The following USP16 variants were observed in gnomAD, a reference collection of about 807,000 sequenced individuals.
USP16 encodes ubiquitin specific peptidase 16.
In USP16, 77 loss-of-function variants were observed where a neutral mutation model predicts 95.9. The ratio of observed to expected loss-of-function variants is 0.80; its 90% CI spans 0.67 to 0.97. The LOEUF (loss-of-function observed/expected upper bound fraction) is 0.97. Ranked by LOEUF, USP16 falls within the 50% of genes least tolerant of loss-of-function variation. The pLI is 0.00. For missense variants in USP16, 943 were observed against 959.9 expected (o/e 0.98, Z 0.23); for synonymous variants, 303 against 318.2 (o/e 0.95, Z 0.51).
At chr21:29,037,237 T>C in intron 5 of USP16, 39 bp from the exon 6 acceptor site, 1 of 1,294,834 alleles carries the variant, frequency 7.7e-7, no homozygotes, top group South Asian at 1.6e-5. Flanking sequence ...TCGATATGAC[T>C]GTATTACACA....
chr21:29,047,563 T>A (rs1399587499), intron 14 of USP16, among the ~76,000 whole-genome samples: 1 of 152,136 alleles, frequency 6.6e-6, no homozygotes, highest in Non-Finnish European at 1.5e-5. Context: ...GGGTAAATTA[T>A]CCCCTTGGAA....
chr21:29,048,110 G>C (rs987149537), intron 14 of USP16, among the ~76,000 whole-genome samples: 1 of 146,686 alleles, frequency 6.8e-6, no homozygotes, highest in African/African-American at 2.6e-5. Context: ...TTGAGACAGA[G>C]TCCTGCCCTT....
intron 1 of USP16, chr21:29,025,006 G>C: frequency 2.9e-6 from 1 of 345,940 alleles, no homozygotes; most frequent in African/African-American, 2.2e-5. Flanking sequence ...CGTGGACCCA[G>C]AGGTTCCCCC....
At chr21:29,044,643 C>T (rs900869239) in intron 13 of USP16, among the ~76,000 whole-genome samples, 9 of 151,784 alleles carry the variant, frequency 5.9e-5, no homozygotes, top group African/African-American at 1.5e-4. Flanking sequence ...AGACAGGTTT[C>T]GCCATGTTGG....
At chr21:29,044,037 A>G (rs1452841539) in intron 13 of USP16, among the ~76,000 whole-genome samples, 1 of 151,882 alleles carries the variant, frequency 6.6e-6, no homozygotes, top group Non-Finnish European at 1.5e-5. Flanking sequence ...GGTTCAAGCA[A>G]TTCTCGTGCC....
chr21:29,046,023 C>T (rs2146390946), intron 13 of USP16, among the ~76,000 whole-genome samples: 1 of 152,264 alleles, frequency 6.6e-6, no homozygotes, highest in African/African-American at 2.4e-5. Context: ...GGGTTTTCAC[C>T]ATGTTGGCCA....
In USP16 at chr21:29,037,398, T is replaced by A. The variant is rs1472759809; in HGVS notation, c.571T>A (p.Cys191Ser). 7 of 1,610,002 alleles carry A rather than the reference T, an allele frequency of 4.3e-6. No individual in the cohort carries two copies. The highest frequency in any genetic ancestry group is 8.5e-7 in the Non-Finnish European group (1 of 1,178,512). ...AGAGAATCCTCCCATGAATTCTCCTTGCCAAATAACCGTGAAAGGACTCAG... is the reference window on the plus strand; with the variant it reads ...AGAGAATCCTCCCATGAATTCTCCTAGCCAAATAACCGTGAAAGGACTCAG... ...AKENPPMNSP[C>S]QITVKGLSNL... The change falls in exon 6 of 18, where the codon TGC becomes AGC. Residue 191 changes from cysteine (C) to serine (S), a missense_variant. By Grantham distance (112) the Cys-to-Ser change is moderately radical. Transcript: ENST00000399976.
At chr21:29,045,036 G>A (rs142993613) in intron 13 of USP16, among the ~76,000 whole-genome samples, 1 of 152,154 alleles carries the variant, frequency 6.6e-6, no homozygotes, top group Non-Finnish European at 1.5e-5. Flanking sequence ...TGATTGGTAT[G>A]TTAGATGGAA....
chr21:29,051,943 TTTA>T (rs753745265), intron 16 of USP16, among the ~76,000 whole-genome samples: 69 of 152,114 alleles, frequency 4.5e-4, no homozygotes, highest in Admixed American at 7.9e-4. Context: ...TACATGATCA[TTTA>T]TTATACTTTT....
intron 3 of USP16, 45 bp downstream of exon 3, chr21:29,030,818 T>C (rs756669952): frequency 1.3e-6 from 2 of 1,555,558 alleles, no homozygotes; most frequent in South Asian, 1.2e-5. Flanking sequence ...AGAAAACTCT[T>C]TGAACTTACT....
At chr21:29,026,015 G>A (rs13051884) in intron 1 of USP16, among the ~76,000 whole-genome samples, 1 of 152,256 alleles carries the variant, frequency 6.6e-6, no homozygotes, top group Non-Finnish European at 1.5e-5. Flanking sequence ...GGGAAGTTCA[G>A]TGGAGAGGTT....
At chr21:29,045,548 A>C (rs922877050) in intron 13 of USP16, among the ~76,000 whole-genome samples, 2 of 150,172 alleles carry the variant, frequency 1.3e-5, no homozygotes, top group Non-Finnish European at 3.0e-5. Flanking sequence ...TGCATCCTTG[A>C]GTTTTCTTTC....
Position 29,036,292 on chromosome 21 carries a change from G to A in USP16, c.366G>A (p.Glu122=), listed in dbSNP as rs746180862. The A allele has an allele frequency of 6.2e-7, 1 of 1,612,190 alleles. No individual in the cohort carries two copies. Among genetic ancestry groups the A allele is most frequent in the East Asian group, 2.2e-5 (1 of 44,762 alleles). Reference sequence around the variant, plus strand: ...ACAGGTGTTACGTATGTGATAATGAGGTCCAGTATTGTAGTTCAAACCAGT... The same window carrying A: ...ACAGGTGTTACGTATGTGATAATGAAGTCCAGTATTGTAGTTCAAACCAGT... ...WSVWCYVCDN[E]VQYCSSNQLG... The change falls in exon 5 of 18, where the codon GAG becomes GAA. Residue 122 remains glutamate (E), a synonymous_variant. Transcript: ENST00000399976.
In USP16 at chr21:29,037,473, C is replaced by A; in HGVS notation, c.636+10C>A. ...CAATGCAGTTATGCAGGTACATTGT[C>A]ATTTTTTTCCCTTTAAAAAAGCTGT... On this transcript the variant is annotated intron_variant, in intron 6 of 17. Coordinates refer to ENST00000399976, the MANE Select transcript of USP16 (RefSeq NM_006447.3). The A allele has an allele frequency of 6.6e-7, 1 of 1,520,762 alleles. No individual in the cohort carries two copies. The highest frequency in any genetic ancestry group is 8.8e-7 in the Non-Finnish European group (1 of 1,135,490). The allele number at this position is 1,520,762 out of a possible 1,614,324, so 94.2% of individuals were successfully genotyped here.
At chr21:29,043,789 C>T (rs550459652) in intron 13 of USP16, among the ~76,000 whole-genome samples, 190 bp downstream of exon 13, 2 of 152,132 alleles carry the variant, frequency 1.3e-5, no homozygotes, top group Admixed American at 6.5e-5. Context: ...AAGAAAACGT[C>T]GTGCTTCTTT....
In USP16 at chr21:29,039,482, GC is replaced by G; in HGVS notation, c.866del (p.Ala289GlufsTer23). 2 of 1,612,760 alleles carry G rather than the reference GC, an allele frequency of 1.2e-6. No homozygotes were observed. The highest frequency in any genetic ancestry group is 1.7e-5 in the Admixed American group (1 of 59,996). On this transcript the variant is annotated frameshift_variant and splice_region_variant, in exon 9 of 18. Transcript: ENST00000399976. LOFTEE classifies it high-confidence loss of function. ...TTCTGTCTTTTTGTTTTTCTCTAGA[GC>G]AGTGCGGTTTAAAGGCTATCAGCAG... ...KELFSQVCKKAVRFKGYQQQD... is the reference protein window; with the variant it reads ...KELFSQVCKKXVRFKGYQQQD...
At chr21:29,026,472 A>G (rs1428914164) in intron 1 of USP16, 2 of 151,092 alleles carry the variant, frequency 1.3e-5, no homozygotes, top group Admixed American at 1.3e-4. Flanking sequence ...AAAAAAAAAA[A>G]AAGAGACAGA....
At chr21:29,032,475 A>AC (rs1427124210) in intron 3 of USP16, among the ~76,000 whole-genome samples, 3 of 151,624 alleles carry the variant, frequency 2.0e-5, no homozygotes, top group Admixed American at 1.3e-4. Context: ...CAAGTGATCT[A>AC]CCCCCCTGGG....
At chr21:29,050,202 G>C (rs374030820) in intron 16 of USP16, 24 bp downstream of exon 16, 1 of 1,606,260 alleles carries the variant, frequency 6.2e-7, no homozygotes, top group African/African-American at 1.3e-5. Flanking sequence ...GTCTTTTTCA[G>C]GAAAGTCCTT....
Sources: gnomAD v4.1 joint callset for allele counts (sites outside exome capture counted in the v4.1 genomes callset) on GRCh38, gnomAD v4.1.1 for gene constraint, MANE v1.5 for transcripts, NCBI Gene and HGNC (gene_info 2026-07-23, HGNC 2026-07-21) for gene names.